Variants in CHN1 observed in about 807,000 individuals in gnomAD.
CHN1 encodes chimerin 1.
CHN1 carries 37 observed loss-of-function variants against 59.5 expected under a neutral mutation model. That is an observed-to-expected ratio of 0.62 (90% CI 0.48 to 0.82). CHN1 has a LOEUF of 0.82. Among genes scored for constraint, CHN1 ranks in the 40% least tolerant of loss-of-function variants. The pLI, the probability that CHN1 is intolerant of heterozygous loss-of-function variation, is 0.00. For missense variants in CHN1, 469 were observed against 571.0 expected, an observed-to-expected ratio of 0.82 and a Z score of 1.82; for synonymous variants, 206 against 200.4, an observed-to-expected ratio of 1.03 and a Z score of -0.24.
At chr2:174,804,442 A>G (rs1015273876) in intron 11 of CHN1, among the ~76,000 whole-genome samples, 2 of 152,172 alleles carry the variant, frequency 1.3e-5, no homozygotes, top group Admixed American at 1.3e-4. Flanking sequence ...AAAGGTCATG[A>G]TGTGACATGT....
At chr2:174,928,918 T>C (rs1689252291) in intron 3 of CHN1, among the ~76,000 whole-genome samples, 1 of 152,058 alleles carries the variant, frequency 6.6e-6, no homozygotes, top group South Asian at 2.1e-4. Context: ...AGAAAAAAAC[T>C]GAGTACCAGC....
At chr2:174,938,547 C>T (rs1689566685) in intron 3 of CHN1, among the ~76,000 whole-genome samples, 1 of 152,102 alleles carries the variant, frequency 6.6e-6, no homozygotes, top group Non-Finnish European at 1.5e-5. Flanking sequence ...ATTTAGTTAT[C>T]ACCTGGGAAA....
intron 1 of CHN1, among the ~76,000 whole-genome samples, chr2:174,953,510 G>A (rs964162144): frequency 7.9e-5 from 12 of 152,026 alleles, no homozygotes; most frequent in Admixed American, 2.6e-4. Flanking sequence ...TGACATGATC[G>A]CACACCTAGA....
At chr2:174,807,461 T>TGTGTGTGTGG (rs1684927850) in intron 11 of CHN1, among the ~76,000 whole-genome samples, 19 of 104,176 alleles carry the variant, frequency 1.8e-4, no homozygotes, top group South Asian at 1.7e-3. Flanking sequence ...TGTGTGTGTG[T>TGTGTGTGTGG]GTGTGTGTGT....
chr2:174,822,461 T>C (rs1685530051), intron 8 of CHN1, among the ~76,000 whole-genome samples: 1 of 152,202 alleles, frequency 6.6e-6, no homozygotes, highest in African/African-American at 2.4e-5. Flanking sequence ...TCTCTATTAA[T>C]AGTTAAGAAT....
chr2:174,827,441 G>A (rs896162420), intron 7 of CHN1, among the ~76,000 whole-genome samples: 1 of 152,214 alleles, frequency 6.6e-6, no homozygotes, highest in Non-Finnish European at 1.5e-5. Context: ...CACGAGGCAT[G>A]AGAGAAACAA....
chr2:174,970,086 C>G (rs2105436799), intron 1 of CHN1, among the ~76,000 whole-genome samples: 1 of 152,248 alleles, frequency 6.6e-6, no homozygotes, highest in South Asian at 2.1e-4. Flanking sequence ...AATCGTTTAA[C>G]CTAAGAAAGC....
intron 11 of CHN1, chr2:174,802,016 T>C (rs1684739474): frequency 4.7e-6 from 2 of 422,338 alleles, no homozygotes; most frequent in Non-Finnish European, 8.9e-6. Context: ...GCAACACTAT[T>C]TACTTGGACT....
At chr2:174,941,349 C>T (rs1187152403) in intron 3 of CHN1, among the ~76,000 whole-genome samples, 1 of 152,134 alleles carries the variant, frequency 6.6e-6, no homozygotes, top group Non-Finnish European at 1.5e-5. Flanking sequence ...CTTACTGGGG[C>T]TTCTAGGCCC....
chr2:174,954,602 A>G (rs1437865226), intron 1 of CHN1, among the ~76,000 whole-genome samples: 1 of 152,196 alleles, frequency 6.6e-6, no homozygotes, highest in Admixed American at 6.5e-5. Context: ...AGCAAGAACA[A>G]AACAAGCAAT....
intron 5 of CHN1, among the ~76,000 whole-genome samples, chr2:174,901,485 C>T (rs1316501779): frequency 2.0e-5 from 3 of 152,162 alleles, no homozygotes; most frequent in East Asian, 1.9e-4. Context: ...TTTATGCACT[C>T]GTATCTCCCT....
At chr2:174,815,052 C>G (rs556084747) in intron 8 of CHN1, among the ~76,000 whole-genome samples, 2 of 152,146 alleles carry the variant, frequency 1.3e-5, no homozygotes, top group African/African-American at 4.8e-5. Context: ...TATGGTCCCA[C>G]TGGTCTCTGA....
chr2:174,936,219 T>C (rs1689490602), intron 3 of CHN1, among the ~76,000 whole-genome samples: 2 of 152,056 alleles, frequency 1.3e-5, no homozygotes, highest in Admixed American at 1.3e-4. Flanking sequence ...ACTTGAAAAA[T>C]GTGTCACAGG....
At position 175,005,369 on chromosome 2, in the gene CHN1, T is replaced by C. The variant is rs967312599; in HGVS notation, c.-457A>G. On this transcript the variant is annotated 5_prime_UTR_variant, in exon 1 of 13. Coordinates refer to ENST00000409900, the MANE Select transcript of CHN1 (RefSeq NM_001822.7). ...CGGCCTCGCAGACGCCATCTTGCGA[T>C]AGCGTCTCCCACGAGCTCGGCCGCG... 22 of 1,098,062 alleles carry C rather than the reference T, an allele frequency of 2.0e-5. No individual in the cohort carries two copies. The highest frequency in any genetic ancestry group is 2.3e-5 in the South Asian group (1 of 44,438). 68.0% of individuals were successfully genotyped at this position (1,098,062 alleles called of 1,614,324 possible). A position where few individuals can be genotyped will look rare whatever the true frequency, so the allele number is the denominator to read the frequency against.
At chr2:174,923,597 GGA>G (rs1689080639) in intron 3 of CHN1, among the ~76,000 whole-genome samples, 1 of 152,182 alleles carries the variant, frequency 6.6e-6, no homozygotes, top group Non-Finnish European at 1.5e-5. Flanking sequence ...TGAGGTTAAA[GGA>G]GAGTTTTTTA....
chr2:174,901,300 T>C (rs1453672349), intron 5 of CHN1, among the ~76,000 whole-genome samples: 3 of 152,218 alleles, frequency 2.0e-5, no homozygotes, highest in Non-Finnish European at 4.4e-5. Context: ...AGCCCTTGCA[T>C]GGACATGCTG....
chr2:174,910,617 C>T (rs1688666914), intron 5 of CHN1, among the ~76,000 whole-genome samples: 1 of 151,850 alleles, frequency 6.6e-6, no homozygotes, highest in Non-Finnish European at 1.5e-5. Context: ...GGCAATCCCC[C>T]CAAAAATAAA....
intron 1 of CHN1, among the ~76,000 whole-genome samples, chr2:175,001,309 G>T (rs1691882803): frequency 6.6e-6 from 1 of 152,180 alleles, no homozygotes; most frequent in Non-Finnish European, 1.5e-5. Flanking sequence ...AGTCAAATAT[G>T]AAAATCTTCA....
chr2:174,818,989 TA>T, intron 8 of CHN1, among the ~76,000 whole-genome samples: 1 of 152,264 alleles, frequency 6.6e-6, no homozygotes, highest in Non-Finnish European at 1.5e-5. Context: ...TAATGGCAAA[TA>T]AAAACTTGTT....
Sources: allele counts gnomAD v4.1 joint callset (sites outside exome capture counted in the v4.1 genomes callset), GRCh38; gene constraint gnomAD v4.1.1; transcripts MANE v1.5; gene names NCBI Gene and HGNC (gene_info 2026-07-23, HGNC 2026-07-21).